The following KIF1C variants were observed in gnomAD, a reference collection of about 807,000 sequenced individuals.
KIF1C encodes kinesin-like protein KIF1C.
A neutral mutation model predicts 126.5 loss-of-function variants in KIF1C; 61 were observed. The ratio of observed to expected loss-of-function variants is 0.48; its 90% CI spans 0.39 to 0.60. The LOEUF is 0.60. Ranked by LOEUF, KIF1C falls within the 20% of genes least tolerant of loss-of-function variation. KIF1C has a pLI of 0.00. For missense variants in KIF1C, 1,315 were observed against 1,489.2 expected, an observed-to-expected ratio of 0.88 and a Z score of 1.93; for synonymous variants, 640 against 580.6, an observed-to-expected ratio of 1.10 and a Z score of -1.47.
At position 5,007,260 on chromosome 17, in the gene KIF1C, C is replaced by T. The variant is rs758006401; in HGVS notation, c.1336-3C>T. The T allele has an allele frequency of 2.5e-6, 4 of 1,606,284 alleles. No homozygotes were observed. Among genetic ancestry groups the T allele is most frequent in the Admixed American group, 3.4e-5 (2 of 58,356 alleles). On this transcript the variant is annotated splice_polypyrimidine_tract_variant and splice_region_variant and intron_variant, in intron 14 of 22. Transcript: ENST00000320785. Reference sequence around the variant, plus strand: ...CTGAAACCTACCCACCTTACGCCCCCAGGAGACAGAGAAGATTATAGCTGA... The same window carrying T: ...CTGAAACCTACCCACCTTACGCCCCTAGGAGACAGAGAAGATTATAGCTGA...
Position 5,026,704 on chromosome 17 carries a change from C to G in KIF1C, c.*2553C>G, listed in dbSNP as rs1975213165. 1 of 138,468 alleles carries G rather than the reference C, an allele frequency of 7.2e-6. No homozygotes were observed. The highest frequency in any genetic ancestry group is 2.1e-4 in the East Asian group (1 of 4,778). 8.6% of individuals were successfully genotyped at this position (138,468 alleles called of 1,614,324 possible). ...AGGCTGTGGTGAGCTGTGAAGGCAC[C>G]ACAGCACTCTGGCCTGGGCAAGAGT... On this transcript the variant is annotated 3_prime_UTR_variant, in exon 23 of 23. Transcript: ENST00000320785.
intron 8 of KIF1C, 79 bp downstream of exon 8, chr17:5,002,921 C>G (rs979050409): frequency 7.7e-5 from 89 of 1,153,008 alleles, no homozygotes; most frequent in Non-Finnish European, 9.5e-5. Flanking sequence ...GTAGAAGGGT[C>G]TTGGGCCCTC....
At position 5,004,933 on chromosome 17, in the gene KIF1C, G is replaced by A. The variant is rs1436193227; in HGVS notation, c.1098G>A (p.Leu366=). The change falls in exon 13 of 23, where the codon CTG becomes CTA. Residue 366 remains leucine, a synonymous_variant. Transcript: ENST00000320785. ...EDPNARLIRE[L]QEEVARLREL... is the part of the protein sequence containing the mutation. Reference sequence around the variant, plus strand: ...CTAATGCCCGGCTGATTAGAGAGCTGCAGGAGGAAGTAGCCCGGCTGCGGG... The same window carrying A: ...CTAATGCCCGGCTGATTAGAGAGCTACAGGAGGAAGTAGCCCGGCTGCGGG... 1.9e-6 allele frequency: 3 copies of A among 1,614,130 alleles called. No individual in the cohort carries two copies. The highest frequency in any genetic ancestry group is 2.2e-5 in the South Asian group (2 of 91,090).
Position 5,024,418 on chromosome 17 carries a change from A to C in KIF1C, c.*267A>C. ...CCTTGCAAAGGGGGTGTGTCCCACA[A>C]ACGCTGCTATGGGTGGGGTGGGGGG... On this transcript the variant is annotated 3_prime_UTR_variant, in exon 23 of 23. Transcript: ENST00000320785. 4 of 331,704 alleles carry C rather than the reference A, an allele frequency of 1.2e-5. No individual in the cohort carries two copies. The highest frequency in any genetic ancestry group is 1.6e-5 in the Non-Finnish European group (3 of 182,126). The allele number at this position is 331,704 out of a possible 1,614,324, so 20.5% of individuals were successfully genotyped here.
Position 5,020,200 on chromosome 17 carries a change from G to A in KIF1C, c.1750+121G>A. On this transcript the variant is annotated intron_variant, in intron 19 of 22. Coordinates refer to ENST00000320785, the MANE Select transcript of KIF1C (RefSeq NM_006612.6). This position sits in a 1 kb window ranked among gnomAD's most constrained non-coding sequence, Gnocchi z 5.8. Reference sequence around the variant, plus strand: ...TGAAATACATCAGAAATAGCACGGGGATATAAAGAAGGAACTGGGAAGTGA... The same window carrying A: ...TGAAATACATCAGAAATAGCACGGGAATATAAAGAAGGAACTGGGAAGTGA... 3 of 800,902 alleles carry A rather than the reference G, an allele frequency of 3.7e-6. No individual in the cohort carries two copies. Among genetic ancestry groups the A allele is most frequent in the Non-Finnish European group, 6.4e-6 (3 of 469,784 alleles). 49.6% of individuals were successfully genotyped at this position (800,902 alleles called of 1,614,324 possible).
At chr17:5,021,513 T>C (rs1011023329) in intron 21 of KIF1C, among the ~76,000 whole-genome samples, 2 of 151,556 alleles carry the variant, frequency 1.3e-5, no homozygotes, top group Non-Finnish European at 2.9e-5. Context: ...AGGATCTTGC[T>C]CTGTCACCCT....
chr17:5,002,209 C>T, intron 6 of KIF1C, 85 bp downstream of exon 6: 2 of 1,298,672 alleles, frequency 1.5e-6, no homozygotes, highest in South Asian at 1.2e-5. Flanking sequence ...GGGATCTAAT[C>T]CTGGCTCTGC....
rs761451789 is a variant in KIF1C, at chr17:5,020,703, C to G, written c.1937+25C>G. The G allele has an allele frequency of 6.2e-7, 1 of 1,611,668 alleles. No homozygotes were observed. The highest frequency in any genetic ancestry group is 1.7e-5 in the Admixed American group (1 of 59,868). On this transcript the variant is annotated intron_variant, in intron 20 of 22. Transcript: ENST00000320785. This position sits in a 1 kb window ranked among gnomAD's most constrained non-coding sequence, Gnocchi z 5.8. ...GGTGCGAGGGGGTTACCCACGTGCC[C>G]CATGGCCGTCTAGGCCGTCCCTCCC...
chr17:5,028,060 C>G lies in KIF1C; in HGVS notation c.*3909C>G, dbSNP rs931995922. The G allele has an allele frequency of 5.3e-5, 8 of 152,102 alleles. No homozygotes were observed. Among genetic ancestry groups the G allele is most frequent in the African/African-American group, 1.9e-4 (8 of 41,406 alleles). The allele number at this position is 152,102 out of a possible 1,614,324, so 9.4% of individuals were successfully genotyped here. On this transcript the variant is annotated 3_prime_UTR_variant, in exon 23 of 23. Transcript: ENST00000320785. ...TCTTCCCAGGCATTTCATGAACTTG[C>G]GTCTAGTTTCTGTTCCCTCTCAAAT...
chr17:4,998,353 C>G (rs962788618), intron 1 of KIF1C, among the ~76,000 whole-genome samples, 197 bp downstream of exon 1: 1 of 152,234 alleles, frequency 6.6e-6, no homozygotes, highest in African/African-American at 2.4e-5. Context: ...TCCGCATGGC[C>G]GCCCTGAGAG....
At chr17:5,010,344 C>T (rs1974833680) in intron 16 of KIF1C, among the ~76,000 whole-genome samples, 1 of 152,120 alleles carries the variant, frequency 6.6e-6, no homozygotes, top group African/African-American at 2.4e-5. Context: ...GATTGTTTCC[C>T]ATTCCTTGAT....
In KIF1C at chr17:5,025,196, A is replaced by C. The variant is rs1223669887; in HGVS notation, c.*1045A>C. ...GCCTCCCCTGCTTTCATGTTTGCTTACCCAGTGTCTCAGTCTGTGCCAGCA... is the reference window on the plus strand; with the variant it reads ...GCCTCCCCTGCTTTCATGTTTGCTTCCCCAGTGTCTCAGTCTGTGCCAGCA... On this transcript the variant is annotated 3_prime_UTR_variant, in exon 23 of 23. Coordinates refer to ENST00000320785, the MANE Select transcript of KIF1C (RefSeq NM_006612.6). 1 of 152,328 alleles carries C rather than the reference A, an allele frequency of 6.6e-6. No homozygotes were observed. Among genetic ancestry groups the C allele is most frequent in the Non-Finnish European group, 1.5e-5 (1 of 68,206 alleles). 9.4% of individuals were successfully genotyped at this position (152,328 alleles called of 1,614,324 possible).
chr17:5,023,709 G>A lies in KIF1C; in HGVS notation c.2870G>A (p.Gly957Asp). The change falls in exon 23 of 23, where the codon GGC becomes GAC. Residue 957 changes from glycine to aspartate, a missense_variant. Around this residue, in one of 2 missense-constraint regions of KIF1C, gnomAD observed 441 missense variants for 436.1 expected, o/e 1.01. Coordinates refer to ENST00000320785, the MANE Select transcript of KIF1C (RefSeq NM_006612.6). This position sits in a 1 kb window ranked among gnomAD's most constrained non-coding sequence, Gnocchi z 4.2. ...CTGCAGGGACTGCAGGGCTCTGGGGGCCGGGGCGGGGGGCTGCGCAGGCCC... is the reference window on the plus strand; with the variant it reads ...CTGCAGGGACTGCAGGGCTCTGGGGACCGGGGCGGGGGGCTGCGCAGGCCC... Reference protein sequence around the residue: ...LRLQGLQGSGGRGGGLRRPPA... With the variant: ...LRLQGLQGSGDRGGGLRRPPA... The A allele has an allele frequency of 3.8e-6, 6 of 1,567,068 alleles. No individual in the cohort carries two copies. Among genetic ancestry groups the A allele is most frequent in the Non-Finnish European group, 5.2e-6 (6 of 1,157,334 alleles).
chr17:5,004,087 CCT>C lies in KIF1C; in HGVS notation c.940+17_940+18del. The C allele has an allele frequency of 6.3e-7, 1 of 1,581,680 alleles. No individual in the cohort carries two copies. ...AGGAAAATTTGGGTGAGGGCCTCTTCCTCTTTCTCTGCCGACCCTGACACATC... is the reference window on the plus strand; with the variant it reads ...AGGAAAATTTGGGTGAGGGCCTCTTCCTTTCTCTGCCGACCCTGACACATC... On this transcript the variant is annotated intron_variant, in intron 11 of 22. Coordinates refer to ENST00000320785, the MANE Select transcript of KIF1C (RefSeq NM_006612.6).
rs78970955 is a variant in KIF1C at position 5,023,565 on chromosome 17, C to A, written c.2726C>A (p.Pro909Gln). 8,705 of 1,613,566 alleles carry A rather than the reference C, an allele frequency of 5.4e-3. 402 individuals are homozygous for A. In the African/African-American group the frequency reaches 0.1, roughly 19 times the overall value. Residue 909 changes from proline (P) to glutamine (Q), a missense_variant, in exon 23 of 23, where the codon CCG becomes CAG. By Grantham distance (76) the Pro-to-Gln change is moderately conservative. Coordinates refer to ENST00000320785, the MANE Select transcript of KIF1C (RefSeq NM_006612.6). The surrounding 1 kb of genome is among the most constrained non-coding windows in gnomAD (Gnocchi z 4.2). Reference sequence around the variant, plus strand: ...GAGGCAGCCCCCAGTGACCGCATGCCGTCAGCCCGGCCCCCCTCGCCACCA... The same window carrying A: ...GAGGCAGCCCCCAGTGACCGCATGCAGTCAGCCCGGCCCCCCTCGCCACCA... ...AEEAAPSDRM[P>Q]SARPPSPPLS...
intron 16 of KIF1C, among the ~76,000 whole-genome samples, chr17:5,009,050 A>C (rs115979351): frequency 7.8e-4 from 118 of 152,124 alleles, no homozygotes; most frequent in African/African-American, 2.8e-3. Context: ...CAGAGAGAAC[A>C]TTCTAATAGT....
chr17:5,019,986 C>A lies in KIF1C; in HGVS notation c.1667-10C>A. 1 of 1,595,842 alleles carries A rather than the reference C, an allele frequency of 6.3e-7. No homozygotes were observed. The highest frequency in any genetic ancestry group is 2.3e-5 in the East Asian group (1 of 44,250). ...TCTAATCTTTCCCCTTCCTCTGCCC[C>A]TCCATTCAGTGGTGGTCACTCTGGA... On this transcript the variant is annotated splice_polypyrimidine_tract_variant and intron_variant, in intron 18 of 22. Transcript: ENST00000320785.
In KIF1C at chr17:5,002,848, A is replaced by G; in HGVS notation, c.720+6A>G. ...CGGGGCTGGACTCGGAGAAGGTGGGATCGCCCCCCCCCCCACTCCCCCACC... is the reference window on the plus strand; with the variant it reads ...CGGGGCTGGACTCGGAGAAGGTGGGGTCGCCCCCCCCCCCACTCCCCCACC... On this transcript the variant is annotated splice_donor_region_variant and intron_variant, in intron 8 of 22. Coordinates refer to ENST00000320785, the MANE Select transcript of KIF1C (RefSeq NM_006612.6). The G allele has an allele frequency of 1.3e-6, 2 of 1,531,180 alleles. No homozygotes were observed. Among genetic ancestry groups the G allele is most frequent in the Non-Finnish European group, 1.8e-6 (2 of 1,126,856 alleles). 94.8% of individuals were successfully genotyped at this position (1,531,180 alleles called of 1,614,324 possible).
chr17:5,002,770 T>G lies in KIF1C; in HGVS notation c.648T>G (p.Arg216=). The change falls in exon 8 of 23, where the codon CGT becomes CGG. Residue 216 remains arginine (R), a synonymous_variant. Coordinates refer to ENST00000320785, the MANE Select transcript of KIF1C (RefSeq NM_006612.6). ...AATNMNETSS[R]SHAVFTIVFT... ...CCAACATGAATGAGACCAGCAGCCG[T>G]TCCCATGCCGTCTTTACCATCGTCT... is the stretch of plus-strand genomic sequence containing the variant. 1 of 1,614,018 alleles carries G rather than the reference T, an allele frequency of 6.2e-7. No individual in the cohort carries two copies. The highest frequency in any genetic ancestry group is 1.1e-5 in the South Asian group (1 of 91,078).
Sources: allele counts gnomAD v4.1 joint callset (sites outside exome capture counted in the v4.1 genomes callset), GRCh38; gene constraint gnomAD v4.1.1; regional missense constraint gnomAD v4.1.1; non-coding constraint Gnocchi (gnomAD v3.1); transcripts MANE v1.5; gene names NCBI Gene and HGNC (gene_info 2026-07-23, HGNC 2026-07-21).